HEATR4: variants seen among roughly 807,000 people sequenced by gnomAD.
HEATR4 encodes HEAT repeat containing 4.
A neutral mutation model predicts 108.8 loss-of-function variants in HEATR4; 95 were observed. The observed-to-expected ratio is 0.87, with a 90% CI of 0.74 to 1.04. The LOEUF is 1.04. Ranked by LOEUF, HEATR4 falls within the 50% of genes least tolerant of loss-of-function variation. HEATR4 has a pLI of 0.00. For missense variants in HEATR4, 1,152 were observed against 1,253.8 expected, an observed-to-expected ratio of 0.92 and a Z score of 1.23; for synonymous variants, 443 against 459.4, an observed-to-expected ratio of 0.96 and a Z score of 0.46.
rs765798568 is a variant in HEATR4 at position 73,521,020 on chromosome 14, G to A, written c.901C>T (p.Gln301Ter). 2.5e-6 allele frequency: 4 copies of A among 1,613,490 alleles called. No individual in the cohort carries two copies. In the East Asian group the frequency reaches 6.7e-5, roughly 27 times the overall value. ...VYYRLPSYFQ[Q>*]AETVEIMPGN... ...GGCATGATCTCAACTGTCTCTGCTT[G>A]TTGGAAGTAACTGGGCAATCTTGGC... is the stretch of plus-strand genomic sequence containing the variant. Residue 301 changes from glutamine (Q) to a stop codon, truncating the protein, a stop_gained, in exon 4 of 18, where the codon CAA becomes TAA. Transcript: ENST00000553558. LOFTEE classifies it high-confidence loss of function.
At chr14:73,516,861 G>A (rs956711076) in intron 5 of HEATR4, among the ~76,000 whole-genome samples, 1 of 152,204 alleles carries the variant, frequency 6.6e-6, no homozygotes, top group Non-Finnish European at 1.5e-5. Context: ...ATGATCTGAG[G>A]TGGAACCATT....
the HEATR4 span, among the ~76,000 whole-genome samples, chr14:73,570,976 CTTTTT>C: frequency 1.3e-5 from 1 of 74,354 alleles, no homozygotes; most frequent in South Asian, 3.2e-4. Flanking sequence ...TAGGAAGCCA[CTTTTT>C]TTTTTTTTTA....
the HEATR4 span, among the ~76,000 whole-genome samples, chr14:73,570,512 T>G: frequency 6.6e-6 from 1 of 151,716 alleles, no homozygotes; most frequent in Admixed American, 6.6e-5. Flanking sequence ...GAGTTTGTAG[T>G]GAGCTGAGAT....
At chr14:73,484,368 G>T (rs903502791) in intron 17 of HEATR4, among the ~76,000 whole-genome samples, 1 of 151,948 alleles carries the variant, frequency 6.6e-6, no homozygotes, top group South Asian at 2.1e-4. Context: ...TCAAACTGTG[G>T]TTTTTTGTTT....
In HEATR4 at chr14:73,523,009, C is replaced by G. The variant is rs752271749; in HGVS notation, c.144G>C (p.Met48Ile). The G allele has an allele frequency of 6.8e-6, 11 of 1,614,002 alleles. No homozygotes were observed. The highest frequency in any genetic ancestry group is 1.3e-5 in the African/African-American group (1 of 74,884). The change falls in exon 3 of 18, where the codon ATG (methionine) becomes ATC (isoleucine). Residue 48 changes from methionine to isoleucine, a missense_variant. By Grantham distance (10) the Met-to-Ile change is conservative. Coordinates refer to ENST00000553558, the MANE Select transcript of HEATR4 (RefSeq NM_001220484.1). Reference sequence around the variant, plus strand: ...GACGGTACTGTGAGCTGAAGAAGACCATAGGCACACTGGAGACAGAGGCAC... The same window carrying G: ...GACGGTACTGTGAGCTGAAGAAGACGATAGGCACACTGGAGACAGAGGCAC... ...EECASVSSVP[M>I]VFFSSQYRLH...
At chr14:73,590,680 T>C in the HEATR4 span, among the ~76,000 whole-genome samples, 3 of 152,006 alleles carry the variant, frequency 2.0e-5, no homozygotes, top group African/African-American at 7.2e-5. Context: ...CTGCCCCAGG[T>C]GCTAAGCCCC....
At chr14:73,501,569 CTTTTTTTTTTT>C (rs1204245183) in intron 11 of HEATR4, among the ~76,000 whole-genome samples, 1 of 108,154 alleles carries the variant, frequency 9.2e-6, no homozygotes, top group Non-Finnish European at 1.9e-5. Flanking sequence ...GTCTCTCTCT[CTTTTTTTTTTT>C]TTTTTTTTTT....
rs192118211 is a variant in HEATR4 at position 73,503,136 on chromosome 14, T to G, written c.1987-123A>C. 6.4e-4 allele frequency: 494 copies of G among 765,892 alleles called. 2 individuals are homozygous for G. Among genetic ancestry groups the G allele is most frequent in the Non-Finnish European group, 5.0e-4 (227 of 456,042 alleles). The allele number at this position is 765,892 out of a possible 1,614,324, so 47.4% of individuals were successfully genotyped here. ...TACTAATGAGGATTGTCCTGAGTGT[T>G]TTTTCCCATCGCTTACTCTCCCAAA... On this transcript the variant is annotated intron_variant, in intron 10 of 17. Transcript: ENST00000553558.
chr14:73,563,483 T>A (rs1351801036), upstream of HEATR4, among the ~76,000 whole-genome samples: 5 of 151,936 alleles, frequency 3.3e-5, no homozygotes, highest in East Asian at 9.7e-4. Context: ...TAGTCCCAGC[T>A]ACTCGGGAGG....
the HEATR4 span, chr14:73,574,270 T>TG: frequency 6.6e-6 from 1 of 151,676 alleles, no homozygotes; most frequent in African/African-American, 2.5e-5. Flanking sequence ...AGTATTTTTT[T>TG]TTTTTTTTTT....
intron 8 of HEATR4, among the ~76,000 whole-genome samples, chr14:73,508,862 TAG>T (rs1296793263): frequency 6.6e-6 from 1 of 152,044 alleles, no homozygotes; most frequent in Non-Finnish European, 1.5e-5. Flanking sequence ...TCCTTTTTTT[TAG>T]AGACAGGGTC....
chr14:73,571,059 C>T, the HEATR4 span: 1 of 150,972 alleles, frequency 6.6e-6, no homozygotes, highest in Non-Finnish European at 1.5e-5. Flanking sequence ...GTGGCTGGGC[C>T]TGTGACAGTG....
the HEATR4 span, among the ~76,000 whole-genome samples, chr14:73,590,770 G>A: frequency 6.6e-6 from 1 of 151,702 alleles, no homozygotes; most frequent in African/African-American, 2.4e-5. Flanking sequence ...GACTCGCGCT[G>A]GCCCGCAAGC....
chr14:73,585,459 C>T, the HEATR4 span, among the ~76,000 whole-genome samples: 29 of 152,126 alleles, frequency 1.9e-4, no homozygotes, highest in Admixed American at 1.6e-3. Flanking sequence ...CTGAGGTGGG[C>T]GGATTACCTG....
chr14:73,572,118 T>G, the HEATR4 span, among the ~76,000 whole-genome samples: 15,987 of 127,748 alleles, frequency 0.13, 2,093 homozygotes, highest in African/African-American at 0.37. Flanking sequence ...ACTTACAAAG[T>G]TAAATATGTT....
At chr14:73,528,806 GTC>G (rs1888520443) in intron 2 of HEATR4, 1 of 152,192 alleles carries the variant, frequency 6.6e-6, no homozygotes, top group Non-Finnish European at 1.5e-5. Flanking sequence ...TAGAAGGCAA[GTC>G]TCTGGGTCCT....
chr14:73,496,126 C>T (rs1378622704), intron 15 of HEATR4, among the ~76,000 whole-genome samples: 1 of 151,694 alleles, frequency 6.6e-6, no homozygotes, highest in Non-Finnish European at 1.5e-5. Context: ...CGAGACTGTC[C>T]CCCCCTCAAA....
At chr14:73,572,733 C>A in the HEATR4 span, among the ~76,000 whole-genome samples, 1,509 of 146,664 alleles carry the variant, frequency 0.01, 17 homozygotes, top group African/African-American at 0.035. Context: ...GCAACCTCCA[C>A]CTCCCGGGTT....
At chr14:73,491,770 G>A (rs778190170) in intron 17 of HEATR4, 2 of 1,569,452 alleles carry the variant, frequency 1.3e-6, no homozygotes, top group East Asian at 2.4e-5. Flanking sequence ...ATTCGATGCT[G>A]CGCAACGAGG....
Sources: gnomAD v4.1 joint callset for allele counts (sites outside exome capture counted in the v4.1 genomes callset) on GRCh38, gnomAD v4.1.1 for gene constraint, MANE v1.5 for transcripts, NCBI Gene and HGNC (gene_info 2026-07-23, HGNC 2026-07-21) for gene names.